Variants in SNCAIP observed in about 807,000 individuals in gnomAD.
SNCAIP encodes synphilin-1.
A neutral mutation model predicts 86.7 loss-of-function variants in SNCAIP; 43 were observed. The observed-to-expected ratio is 0.50, with a 90% CI of 0.39 to 0.64. The LOEUF (loss-of-function observed/expected upper bound fraction) is 0.64. Ranked by LOEUF, SNCAIP falls within the 30% of genes least tolerant of loss-of-function variation. The pLI, the probability that SNCAIP is intolerant of heterozygous loss-of-function variation, is 0.00. For synonymous variants in SNCAIP, 417 were observed against 427.2 expected (o/e 0.98, Z 0.29); for missense variants, 981 against 1,103.1 (o/e 0.89, Z 1.57).
intron 3 of SNCAIP, among the ~76,000 whole-genome samples, chr5:122,404,244 A>G (rs1772477018): frequency 6.6e-6 from 1 of 152,234 alleles, no homozygotes. Flanking sequence ...CCATATGGCA[A>G]GGACCAGCTT....
chr5:122,331,405 C>G (rs1755311864), intron 1 of SNCAIP, among the ~76,000 whole-genome samples: 1 of 152,122 alleles, frequency 6.6e-6, no homozygotes, highest in East Asian at 1.9e-4. Flanking sequence ...CCCAGAAGTT[C>G]AGAAGATATA....
intron 1 of SNCAIP, among the ~76,000 whole-genome samples, chr5:122,385,535 T>G (rs550473413): frequency 6.6e-6 from 1 of 152,346 alleles, no homozygotes; most frequent in Admixed American, 6.5e-5. Context: ...ACAACATTTC[T>G]ACCCAGACCT....
At chr5:122,389,256 C>T (rs995081199) in intron 1 of SNCAIP, 13 of 152,200 alleles carry the variant, frequency 8.5e-5, no homozygotes, top group Admixed American at 5.2e-4. Flanking sequence ...ATGCATGTTT[C>T]TCTGCTTCAT....
rs1787028611 is a variant in SNCAIP, at chr5:122,463,639, C to T, written c.*143C>T. The T allele has an allele frequency of 1.2e-6, 1 of 821,830 alleles. No homozygotes were observed. Among genetic ancestry groups the T allele is most frequent in the Admixed American group, 2.4e-5 (1 of 40,902 alleles). 50.9% of individuals were successfully genotyped at this position (821,830 alleles called of 1,614,324 possible). ...AATTATTGGAAATTTCTGGACTATC[C>T]TCTTTGGAAAGAGAACCATGAAAAC... On this transcript the variant is annotated 3_prime_UTR_variant, in exon 11 of 11. Transcript: ENST00000261368.
intron 1 of SNCAIP, chr5:122,371,371 G>A (rs879684566): frequency 2.0e-5 from 3 of 151,908 alleles, no homozygotes; most frequent in Admixed American, 1.3e-4. Context: ...TGCCAGTATA[G>A]GGGCTAACTA....
intron 10 of SNCAIP, among the ~76,000 whole-genome samples, chr5:122,459,215 T>C (rs1785516553): frequency 6.6e-6 from 1 of 152,094 alleles, no homozygotes; most frequent in South Asian, 2.1e-4. Flanking sequence ...TCACAGAAAA[T>C]AGCAAGGTTT....
intron 1 of SNCAIP, among the ~76,000 whole-genome samples, chr5:122,359,864 A>G (rs10428632): frequency 0.89 from 135,245 of 152,208 alleles, 60,193 homozygotes; most frequent in Admixed American, 0.93. Context: ...CGAATGATAG[A>G]CAGCTAATGA....
chr5:122,415,227 T>C (rs1775063939), intron 3 of SNCAIP, among the ~76,000 whole-genome samples: 1 of 152,176 alleles, frequency 6.6e-6, no homozygotes, highest in African/African-American at 2.4e-5. Context: ...TCTAGTCTTG[T>C]AGCTGAGAGT....
intron 10 of SNCAIP, among the ~76,000 whole-genome samples, chr5:122,457,875 G>T (rs1245742331): frequency 1.3e-5 from 2 of 152,174 alleles, no homozygotes; most frequent in Admixed American, 6.5e-5. Flanking sequence ...ACAGGGAATT[G>T]TTGCCAATAA....
chr5:122,437,907 T>C (rs564426205), intron 6 of SNCAIP, among the ~76,000 whole-genome samples: 142 of 152,198 alleles, frequency 9.3e-4, no homozygotes, highest in Non-Finnish European at 1.5e-3. Flanking sequence ...ATTCCCACTC[T>C]TATGAGGGGC....
chr5:122,343,113 A>ATT (rs1365194825), intron 1 of SNCAIP, among the ~76,000 whole-genome samples: 4 of 152,220 alleles, frequency 2.6e-5, no homozygotes, highest in Non-Finnish European at 2.9e-5. Flanking sequence ...TACCAACCAG[A>ATT]TTTTCCAATG....
rs184874807 is a variant in SNCAIP, at chr5:122,376,993, T to G, written c.-46-14096T>G. The stretch of plus-strand genomic sequence containing the variant: ...CTATTTGAACAATTTCTTGCTGAGG[T>G]GGGTGTGATTTCACAAAGCAGCCCA... On this transcript the variant is annotated intron_variant, in intron 1 of 10. Transcript: ENST00000261368. Among the ~76,000 whole-genome samples the G allele has an allele frequency of 3.9e-3, 593 of 152,278 alleles. 2 individuals are homozygous for G. The highest frequency in any genetic ancestry group is 6.0e-3 in the South Asian group (29 of 4,824).
rs200895191 is a variant in SNCAIP, at chr5:122,403,857, A to G, written c.122A>G (p.Asp41Gly). ...LCRRCDTQNEDRSVSSSSWNC... is the reference protein window; with the variant it reads ...LCRRCDTQNEGRSVSSSSWNC... ...CGAAGATGTGATACGCAAAACGAAG[A>G]CAGATCAGGTAGGTTTTGCTCCTCC... The change falls in exon 3 of 11, where the codon GAC becomes GGC. Residue 41 changes from aspartate to glycine, a missense_variant. By Grantham distance (94) the Asp-to-Gly change is moderately conservative. Transcript: ENST00000261368. The G allele has an allele frequency of 5.3e-5, 86 of 1,613,228 alleles. No individual in the cohort carries two copies. The highest frequency in any genetic ancestry group is 6.9e-5 in the Non-Finnish European group (81 of 1,179,316).
intron 2 of SNCAIP, among the ~76,000 whole-genome samples, chr5:122,397,164 T>C (rs1770790564): frequency 6.6e-6 from 1 of 152,100 alleles, no homozygotes; most frequent in Non-Finnish European, 1.5e-5. Flanking sequence ...TAGAAAATGG[T>C]GAAGTCAGGA....
intron 1 of SNCAIP, among the ~76,000 whole-genome samples, chr5:122,315,685 C>A (rs1170148868): frequency 1.3e-5 from 2 of 152,070 alleles, no homozygotes; most frequent in Non-Finnish European, 2.9e-5. Context: ...CATTGTCCTG[C>A]AATTTTTTTT....
At chr5:122,399,128 G>A (rs1220944484) in intron 2 of SNCAIP, among the ~76,000 whole-genome samples, 4 of 152,112 alleles carry the variant, frequency 2.6e-5, no homozygotes, top group South Asian at 2.1e-4. Context: ...CTCTCTTCCC[G>A]CCTCATTAGT....
intron 3 of SNCAIP, among the ~76,000 whole-genome samples, chr5:122,412,866 G>T (rs1581091172): frequency 6.6e-6 from 1 of 152,322 alleles, no homozygotes; most frequent in East Asian, 1.9e-4. Context: ...CAGATTTCTT[G>T]CTTTCCCTGA....
intron 1 of SNCAIP, among the ~76,000 whole-genome samples, chr5:122,319,177 C>T (rs1322071952): frequency 6.6e-6 from 1 of 151,308 alleles, no homozygotes; most frequent in African/African-American, 2.4e-5. Flanking sequence ...AGATGAGTAA[C>T]CATCATCTTG....
chr5:122,405,943 C>T (rs900233629), intron 3 of SNCAIP, among the ~76,000 whole-genome samples: 16 of 152,076 alleles, frequency 1.1e-4, no homozygotes, highest in African/African-American at 3.1e-4. Context: ...ACAGCAAAGG[C>T]GCAGTGCTCA....
Sources: allele counts gnomAD v4.1 joint callset (sites outside exome capture counted in the v4.1 genomes callset), GRCh38; gene constraint gnomAD v4.1.1; transcripts MANE v1.5; gene names NCBI Gene and HGNC (gene_info 2026-07-23, HGNC 2026-07-21).